Variants in COIL observed in about 807,000 individuals in gnomAD.
The protein encoded by COIL is coilin p80.
Under a neutral mutation model 51.6 loss-of-function variants are expected in COIL, and 28 were observed. The ratio of observed to expected loss-of-function variants is 0.54; its 90% CI spans 0.40 to 0.74. The LOEUF (loss-of-function observed/expected upper bound fraction) is 0.74. Ranked by LOEUF, COIL falls within the 30% of genes least tolerant of loss-of-function variation. The probability of loss-of-function intolerance (pLI) is 0.00; values close to 1 mark genes in which losing one functional copy is unlikely to be tolerated. For missense variants in COIL, 667 were observed against 685.9 expected (o/e 0.97, Z 0.31); for synonymous variants, 233 against 255.8 (o/e 0.91, Z 0.85).
intron 1 of COIL, among the ~76,000 whole-genome samples, chr17:56,957,818 C>T (rs545275999): frequency 3.2e-4 from 49 of 152,138 alleles, no homozygotes; most frequent in Admixed American, 7.2e-4. Flanking sequence ...AGAAGCACCT[C>T]CTCCTCCTCC....
chr17:56,943,707 A>G (rs1910190152), intron 5 of COIL, among the ~76,000 whole-genome samples: 1 of 152,174 alleles, frequency 6.6e-6, no homozygotes, highest in Admixed American at 6.5e-5. Context: ...TATGTGGACT[A>G]AAGAGCTAGC....
chr17:56,948,390 T>G (rs1049304008), intron 4 of COIL, among the ~76,000 whole-genome samples: 1 of 151,960 alleles, frequency 6.6e-6, no homozygotes, highest in African/African-American at 2.4e-5. Context: ...CCACCCACCT[T>G]GGCCTCCCAA....
chr17:56,951,007 A>G lies in COIL; in HGVS notation c.246-11T>C, dbSNP rs1205666894. 3 of 1,589,432 alleles carry G rather than the reference A, an allele frequency of 1.9e-6. No homozygotes were observed. The highest frequency in any genetic ancestry group is 1.7e-4 in the Middle Eastern group (1 of 5,966). On this transcript the variant is annotated splice_polypyrimidine_tract_variant and intron_variant, in intron 1 of 6. Transcript: ENST00000240316. ...TCTTCTAATTTAACTCTGTCAAAAGAACAAGAGAGAAAGCTAGAGTGAGCA... is the reference window on the plus strand; with the variant it reads ...TCTTCTAATTTAACTCTGTCAAAAGGACAAGAGAGAAAGCTAGAGTGAGCA...
chr17:56,953,166 C>T (rs1480105294), intron 1 of COIL, among the ~76,000 whole-genome samples: 1 of 151,888 alleles, frequency 6.6e-6, no homozygotes, highest in Non-Finnish European at 1.5e-5. Context: ...AATCCCAGCA[C>T]TTTGGGAGGT....
chr17:56,945,360 T>A (rs1910229331), intron 5 of COIL, among the ~76,000 whole-genome samples: 1 of 152,028 alleles, frequency 6.6e-6, no homozygotes, highest in Non-Finnish European at 1.5e-5. Flanking sequence ...AACAATTAAT[T>A]GCTTTAGGAT....
Position 56,961,029 on chromosome 17 carries a change from T to C in COIL, c.-10A>G. On this transcript the variant is annotated 5_prime_UTR_variant, in exon 1 of 7. Coordinates refer to ENST00000240316, the MANE Select transcript of COIL (RefSeq NM_004645.3). Reference sequence around the variant, plus strand: ...TCTCGGAAGCTGCCATCTTGCTTGGTGCTCAACGGAAGCCGAGAGATACCA... The same window carrying C: ...TCTCGGAAGCTGCCATCTTGCTTGGCGCTCAACGGAAGCCGAGAGATACCA... The C allele has an allele frequency of 6.2e-7, 1 of 1,611,270 alleles. No individual in the cohort carries two copies. Among genetic ancestry groups the C allele is most frequent in the Non-Finnish European group, 8.5e-7 (1 of 1,178,644 alleles).
chr17:56,949,237 G>C (rs1201616307), intron 4 of COIL, 150 bp downstream of exon 4: 8 of 617,348 alleles, frequency 1.3e-5, no homozygotes, highest in Admixed American at 7.3e-5. Context: ...CTATTAAAGA[G>C]TTGACATTTC....
At chr17:56,954,989 T>G (rs1296823138) in intron 1 of COIL, among the ~76,000 whole-genome samples, 1 of 152,190 alleles carries the variant, frequency 6.6e-6, no homozygotes, top group Non-Finnish European at 1.5e-5. Flanking sequence ...CAAAAGTGCA[T>G]GCATTTGTCC....
intron 1 of COIL, chr17:56,951,293 T>C: frequency 3.9e-6 from 1 of 257,864 alleles, no homozygotes; most frequent in East Asian, 8.0e-5. Flanking sequence ...ATTTTACAGA[T>C]CGCAAAATTA....
At chr17:56,942,227 A>C in intron 5 of COIL, 104 bp from the exon 6 acceptor site, 1 of 889,294 alleles carries the variant, frequency 1.1e-6, no homozygotes, top group Non-Finnish European at 1.8e-6. Flanking sequence ...CCACAAACAA[A>C]CTGTCAATTA....
At chr17:56,947,337 G>A (rs1910269692) in intron 4 of COIL, among the ~76,000 whole-genome samples, 1 of 151,938 alleles carries the variant, frequency 6.6e-6, no homozygotes, top group African/African-American at 2.4e-5. Flanking sequence ...TGCGTTTGAG[G>A]TCAAAGCAAA....
Position 56,950,774 on chromosome 17 carries a change from C to T in COIL, c.468G>A (p.Gln156=). The part of the protein sequence containing the change: ...LDLEPKAVTD[Q]TVSKKNKRKN... ...TTCTCTTGTTTTTTTTGCTGACAGT[C>T]TGATCTGTGACAGCTTTTGGTTCCA... Residue 156 remains glutamine, a synonymous_variant, in exon 2 of 7, where the codon CAG becomes CAA. Coordinates refer to ENST00000240316, the MANE Select transcript of COIL (RefSeq NM_004645.3). The T allele has an allele frequency of 6.2e-7, 1 of 1,613,940 alleles. No homozygotes were observed. The highest frequency in any genetic ancestry group is 8.5e-7 in the Non-Finnish European group (1 of 1,180,022).
chr17:56,954,057 G>A (rs948891003), intron 1 of COIL, among the ~76,000 whole-genome samples: 3 of 152,138 alleles, frequency 2.0e-5, no homozygotes, highest in African/African-American at 7.2e-5. Context: ...AATGATCCAA[G>A]CTTCAATTCT....
At chr17:56,958,039 C>T (rs1226747343) in intron 1 of COIL, among the ~76,000 whole-genome samples, 2 of 152,218 alleles carry the variant, frequency 1.3e-5, no homozygotes, top group African/African-American at 4.8e-5. Flanking sequence ...TGCCAATGAT[C>T]CCAACAGAAT....
intron 1 of COIL, among the ~76,000 whole-genome samples, chr17:56,953,215 T>G (rs1296159655): frequency 2.0e-5 from 3 of 151,536 alleles, no homozygotes; most frequent in African/African-American, 7.3e-5. Context: ...ATCGAGACCA[T>G]CCTGGCTAAC....
chr17:56,949,455 C>T (rs768850375), intron 3 of COIL, 21 bp from the exon 4 acceptor site: 1 of 1,603,278 alleles, frequency 6.2e-7, no homozygotes, highest in Admixed American at 1.8e-5. Flanking sequence ...AGAAAAAACC[C>T]ACAAATACAT....
chr17:56,942,314 G>C (rs1438602408), intron 5 of COIL, among the ~76,000 whole-genome samples, 191 bp from the exon 6 acceptor site: 1 of 152,136 alleles, frequency 6.6e-6, no homozygotes, highest in Non-Finnish European at 1.5e-5. Context: ...CTGGACCAGG[G>C]GGACTTCTCA....
Position 56,950,834 on chromosome 17 carries a change from T to A in COIL, c.408A>T (p.Arg136=), listed in dbSNP as rs111314544. The A allele has an allele frequency of 5.0e-6, 8 of 1,614,128 alleles. No individual in the cohort carries two copies. Among genetic ancestry groups the A allele is most frequent in the Non-Finnish European group, 6.8e-6 (8 of 1,180,044 alleles). The change falls in exon 2 of 7, where the codon CGA becomes CGT. Residue 136 remains arginine, a synonymous_variant. Transcript: ENST00000240316. ...CCTTCTCATTATTGTTATTGTTCTC[T>A]CGACTCTTCCAATGCTTCTTTGAAT... ...CKYSKKHWKS[R]ENNNNNEKVL...
chr17:56,940,690 C>A (rs553528156), intron 6 of COIL, among the ~76,000 whole-genome samples: 10 of 152,254 alleles, frequency 6.6e-5, no homozygotes, highest in African/African-American at 1.9e-4. Flanking sequence ...AATATGTTTG[C>A]AATATTGAAA....
Sources: allele counts gnomAD v4.1 joint callset (sites outside exome capture counted in the v4.1 genomes callset), GRCh38; gene constraint gnomAD v4.1.1; transcripts MANE v1.5; gene names NCBI Gene and HGNC (gene_info 2026-07-23, HGNC 2026-07-21).